ADAMTSL1: variants seen among roughly 807,000 people sequenced by gnomAD.
ADAMTSL1 encodes ADAMTS-like protein 1.
In ADAMTSL1, 126 loss-of-function variants were observed where a neutral mutation model predicts 201.8. The observed-to-expected ratio is 0.62, with a 90% CI of 0.54 to 0.72. The LOEUF is 0.72. Ranked by LOEUF, ADAMTSL1 falls within the 30% of genes least tolerant of loss-of-function variation. The pLI, the probability that ADAMTSL1 is intolerant of heterozygous loss-of-function variation, is 0.00. For synonymous variants in ADAMTSL1, 1,121 were observed against 903.4 expected (o/e 1.24, Z -4.32); for missense variants, 2,679 against 2,277.8 (o/e 1.18, Z -3.59).
chr9:18,674,838 C>T (rs1015768259), intron 9 of ADAMTSL1, among the ~76,000 whole-genome samples: 1 of 152,154 alleles, frequency 6.6e-6, no homozygotes, highest in African/African-American at 2.4e-5. Context: ...TACATCTGTG[C>T]ATCTCCATCT....
chr9:18,420,340 A>C (rs143342745), intron 2 of ADAMTSL1, among the ~76,000 whole-genome samples: 131 of 152,304 alleles, frequency 8.6e-4, no homozygotes, highest in African/African-American at 2.6e-3. Context: ...TAATAAGACC[A>C]CTGTAGACCC....
intron 3 of ADAMTSL1, among the ~76,000 whole-genome samples, chr9:18,535,494 A>T (rs911625973): frequency 8.6e-5 from 13 of 151,980 alleles, no homozygotes; most frequent in African/African-American, 3.1e-4. Flanking sequence ...TAGCCCTCCA[A>T]ACTGTGCCAG....
intron 15 of ADAMTSL1, among the ~76,000 whole-genome samples, chr9:18,737,407 C>G (rs529141133): frequency 6.7e-5 from 10 of 149,268 alleles, no homozygotes; most frequent in African/African-American, 2.5e-4. Flanking sequence ...ATGGATGGAT[C>G]ATATCACTTC....
At chr9:17,928,122 G>A (rs1826628622) in intron 1 of ADAMTSL1, among the ~76,000 whole-genome samples, 1 of 151,790 alleles carries the variant, frequency 6.6e-6, no homozygotes, top group Non-Finnish European at 1.5e-5. Flanking sequence ...AGCCTCCCAA[G>A]TAGCTGGGAC....
intron 15 of ADAMTSL1, among the ~76,000 whole-genome samples, chr9:18,742,272 G>T (rs1818876005): frequency 6.6e-6 from 1 of 152,188 alleles, no homozygotes; most frequent in Non-Finnish European, 1.5e-5. Flanking sequence ...TAGGTTTGTA[G>T]GGTTTTAGTG....
intron 14 of ADAMTSL1, among the ~76,000 whole-genome samples, chr9:18,712,890 C>T (rs1337868296): frequency 1.3e-5 from 2 of 148,284 alleles, no homozygotes; most frequent in East Asian, 4.0e-4. Context: ...ATCAGACTAA[C>T]AGCGGATCTC....
chr9:18,189,821 G>C (rs890601257), intron 2 of ADAMTSL1, among the ~76,000 whole-genome samples: 1 of 152,016 alleles, frequency 6.6e-6, no homozygotes, highest in Non-Finnish European at 1.5e-5. Context: ...GGCCAGTTCT[G>C]TGGACTTTTA....
chr9:18,678,343 C>G (rs1166769431), intron 10 of ADAMTSL1, among the ~76,000 whole-genome samples: 1 of 152,116 alleles, frequency 6.6e-6, no homozygotes, highest in Non-Finnish European at 1.5e-5. Flanking sequence ...CTGACATGCT[C>G]TCTCTCAGCT....
chr9:18,166,629 T>C (rs755673664), intron 2 of ADAMTSL1, among the ~76,000 whole-genome samples: 2 of 151,856 alleles, frequency 1.3e-5, no homozygotes, highest in Non-Finnish European at 2.9e-5. Flanking sequence ...CCCCAGCACA[T>C]AGAGCATTTT....
At chr9:17,919,111 C>G (rs890742006) in intron 1 of ADAMTSL1, among the ~76,000 whole-genome samples, 12 of 151,568 alleles carry the variant, frequency 7.9e-5, no homozygotes, top group African/African-American at 2.9e-4. Flanking sequence ...TATAGTATGA[C>G]TTCCTAATTC....
rs1827531740 is a variant in ADAMTSL1, at chr9:17,947,301, T to C, written c.87+40379T>C. ...AATGAAAAATTGTAAGGCATTTACC[T>C]TATACACACATACACACACACACAC... On this transcript the variant is annotated intron_variant, in intron 1 of 29. Coordinates refer to the ADAMTSL1 transcript ENST00000680146. 3.3e-5 allele frequency among the ~76,000 whole-genome samples: 4 copies of C among 120,084 alleles called. No individual in the cohort carries two copies. The South Asian group carries it at 1.2e-3, about 37-fold the overall frequency. 78.8% of individuals were successfully genotyped at this position (120,084 alleles called of 152,430 possible). A position where few individuals can be genotyped will look rare whatever the true frequency, so the allele number is the denominator to read the frequency against.
chr9:18,130,235 C>G (rs1035617753), intron 1 of ADAMTSL1, among the ~76,000 whole-genome samples: 1 of 152,090 alleles, frequency 6.6e-6, no homozygotes, highest in Admixed American at 6.5e-5. Context: ...TTAGTCATTG[C>G]GGGAAGACAG....
rs1384367874 is a variant in ADAMTSL1, at chr9:18,887,931, T to C, written c.4350T>C (p.Ala1450=). 1.9e-6 allele frequency: 3 copies of C among 1,613,904 alleles called. No individual in the cohort carries two copies. The highest frequency in any genetic ancestry group is 4.5e-5 in the East Asian group (2 of 44,896). ...ATGLTHHILA[A]GQILQVANLS... The stretch of plus-strand genomic sequence containing the variant: ...GACTGACGCATCACATCTTGGCAGC[T>C]GGACAGATCCTTCAAGTTGCAAACC... The change falls in exon 24 of 29, where the codon GCT becomes GCC. Residue 1450 remains alanine (A), a synonymous_variant. Transcript: ENST00000380548.
chr9:17,917,249 T>A (rs1017092650), intron 1 of ADAMTSL1, among the ~76,000 whole-genome samples: 1 of 152,126 alleles, frequency 6.6e-6, no homozygotes, highest in African/African-American at 2.4e-5. Context: ...TGAAATTTTT[T>A]CTTGTATTAT....
chr9:18,840,845 T>G (rs10963796), intron 23 of ADAMTSL1, among the ~76,000 whole-genome samples: 21,917 of 142,636 alleles, frequency 0.15, 1,427 homozygotes, highest in Middle Eastern at 0.26. Flanking sequence ...TTTGTCTGTT[T>G]TTGGTGTATA....
At chr9:17,926,570 ATTTTTTAC>A (rs1348615109) in intron 1 of ADAMTSL1, among the ~76,000 whole-genome samples, 3 of 152,258 alleles carry the variant, frequency 2.0e-5, no homozygotes, top group East Asian at 3.9e-4. Flanking sequence ...GGACACAATG[ATTTTTTAC>A]TTCATTGTAG....
In ADAMTSL1 at chr9:18,031,586, C is replaced by T. The variant is rs1820956736; in HGVS notation, c.87+124664C>T. On this transcript the variant is annotated intron_variant, in intron 1 of 29. Coordinates refer to the ADAMTSL1 transcript ENST00000680146. ...TACATACTTCTTTTATATCTTGATG[C>T]ATATGTAGCAGTGCTCTGGGGAAGG... is the stretch of plus-strand genomic sequence containing the variant. 1.3e-5 allele frequency among the ~76,000 whole-genome samples: 2 copies of T among 152,102 alleles called. 1 individual carries two copies. Among genetic ancestry groups the T allele is most frequent in the South Asian group, 4.1e-4 (2 of 4,828 alleles).
rs1819566278 is a variant in ADAMTSL1 at position 18,753,334 on chromosome 9, A to G, written c.2043A>G (p.Thr681=). ...EIGKWSPCSL[T]CGVGLQTRDV... ...GCAAGTGGAGTCCATGTAGTCTCAC[A>G]TGTGGGGTCGGCCTACAGACCAGAG... The change falls in exon 16 of 29, where the codon ACA becomes ACG. Residue 681 remains threonine, a synonymous_variant. Transcript: ENST00000380548. The G allele has an allele frequency of 6.2e-7, 1 of 1,612,438 alleles. No homozygotes were observed. The highest frequency in any genetic ancestry group is 1.7e-5 in the Admixed American group (1 of 59,842).
At chr9:18,466,291 C>A (rs867239773) in intron 2 of ADAMTSL1, among the ~76,000 whole-genome samples, 8 of 152,258 alleles carry the variant, frequency 5.3e-5, no homozygotes, top group Middle Eastern at 3.4e-3. Flanking sequence ...CCTCAGGACA[C>A]CTGCATATAT....
Sources: allele counts gnomAD v4.1 joint callset (sites outside exome capture counted in the v4.1 genomes callset), GRCh38; gene constraint gnomAD v4.1.1; transcripts MANE v1.5; gene names NCBI Gene and HGNC (gene_info 2026-07-23, HGNC 2026-07-21).